Variants in ITM2B observed in about 807,000 individuals in gnomAD.
The protein encoded by ITM2B is ABri/ADan amyloid peptide.
A neutral mutation model predicts 27.8 loss-of-function variants in ITM2B; 11 were observed. The observed-to-expected ratio is 0.40, with a 90% CI of 0.25 to 0.66. The LOEUF is 0.66. Ranked by LOEUF, ITM2B falls within the 30% of genes least tolerant of loss-of-function variation. The pLI is 0.43. For synonymous variants in ITM2B, 114 were observed against 114.3 expected, an observed-to-expected ratio of 1.00 and a Z score of 0.02; for missense variants, 296 against 328.9, an observed-to-expected ratio of 0.90 and a Z score of 0.77.
chr13:48,258,243 G>A lies in ITM2B; in HGVS notation c.564+7G>A. 7.5e-7 allele frequency: 1 copy of A among 1,334,408 alleles called. No homozygotes were observed. The highest frequency in any genetic ancestry group is 1.1e-6 in the Non-Finnish European group (1 of 925,124). The allele number at this position is 1,334,408 out of a possible 1,614,324, so 82.7% of individuals were successfully genotyped here. A position where few individuals can be genotyped will look rare whatever the true frequency, so the allele number is the denominator to read the frequency against. On this transcript the variant is annotated splice_region_variant and intron_variant, in intron 4 of 5. Coordinates refer to ENST00000647800, the MANE Select transcript of ITM2B (RefSeq NM_021999.5). ...GTTACTTATTAACATCAAGGTATAA[G>A]AATGTTGACTGTTTTTGATGAATGA...
intron 1 of ITM2B, among the ~76,000 whole-genome samples, chr13:48,236,624 A>G (rs1593387220): frequency 6.6e-6 from 1 of 152,216 alleles, no homozygotes; most frequent in African/African-American, 2.4e-5. Context: ...GGTGTTTAAC[A>G]TGTTACATTC....
chr13:48,258,036 AT>A, intron 3 of ITM2B, 89 bp from the exon 4 acceptor site: 1 of 744,510 alleles, frequency 1.3e-6, no homozygotes, highest in Non-Finnish European at 2.5e-6. Flanking sequence ...AAGCCAATTC[AT>A]TTTAATGATA....
In ITM2B at chr13:48,266,082, T is replaced by TCCCAA. The variant is rs1951852157; in HGVS notation, c.*4861_*4865dup. On this transcript the variant is annotated 3_prime_UTR_variant, in exon 6 of 6. Transcript: ENST00000647800. ...TCATTTTTATTCTGGGTATTATATT[T>TCCCAA]CCCAACCAGTTGTCTGACTTTCTCC... 2 of 152,124 alleles carry TCCCAA rather than the reference T, an allele frequency of 1.3e-5. No individual in the cohort carries two copies. The highest frequency in any genetic ancestry group is 4.1e-4 in the South Asian group (2 of 4,824). 9.4% of individuals were successfully genotyped at this position (152,124 alleles called of 1,614,324 possible).
chr13:48,238,475 G>A (rs1454137624), intron 1 of ITM2B, among the ~76,000 whole-genome samples: 3 of 152,196 alleles, frequency 2.0e-5, no homozygotes, highest in Admixed American at 2.0e-4. Context: ...TAGCGATGAG[G>A]AAATTACCCT....
intron 1 of ITM2B, among the ~76,000 whole-genome samples, chr13:48,239,708 G>A (rs1951688852): frequency 6.6e-6 from 1 of 152,108 alleles, no homozygotes; most frequent in Non-Finnish European, 1.5e-5. Context: ...ATTTTCCAAG[G>A]CAAGCTAAAA....
At chr13:48,255,811 C>T (rs988294475) in intron 2 of ITM2B, among the ~76,000 whole-genome samples, 1 of 152,096 alleles carries the variant, frequency 6.6e-6, no homozygotes, top group Non-Finnish European at 1.5e-5. Context: ...TATATTCTTT[C>T]AGAAAAACTT....
At position 48,269,602 on chromosome 13, in the gene ITM2B, A is replaced by C. The variant is rs1025798288; in HGVS notation, c.*8378A>C. 3 of 152,398 alleles carry C rather than the reference A, an allele frequency of 2.0e-5. No individual in the cohort carries two copies. The highest frequency in any genetic ancestry group is 4.4e-5 in the Non-Finnish European group (3 of 68,170). 9.4% of individuals were successfully genotyped at this position (152,398 alleles called of 1,614,324 possible). ...AGCTGCCTCACTTTCCTTTGAACGT[A>C]CCAAGGGCAATCCTGCTTCAGAGCC... On this transcript the variant is annotated 3_prime_UTR_variant, in exon 6 of 6. Coordinates refer to ENST00000647800, the MANE Select transcript of ITM2B (RefSeq NM_021999.5).
At chr13:48,260,823 T>G (rs2137997499) in intron 5 of ITM2B, among the ~76,000 whole-genome samples, 1 of 152,268 alleles carries the variant, frequency 6.6e-6, no homozygotes, top group South Asian at 2.1e-4. Context: ...ACTCTGAGTT[T>G]CCACAAAGAT....
intron 1 of ITM2B, among the ~76,000 whole-genome samples, chr13:48,240,648 A>T (rs912594762): frequency 2.0e-5 from 3 of 152,228 alleles, no homozygotes; most frequent in African/African-American, 7.2e-5. Context: ...TACCGATTTC[A>T]TTTAAAAATG....
chr13:48,236,171 T>C (rs150651431), intron 1 of ITM2B, among the ~76,000 whole-genome samples: 4 of 152,222 alleles, frequency 2.6e-5, no homozygotes, highest in African/African-American at 9.7e-5. Context: ...TTAATTGTTT[T>C]CACCTTCCTC....
intron 1 of ITM2B, among the ~76,000 whole-genome samples, chr13:48,242,154 G>GT: frequency 6.6e-6 from 1 of 152,216 alleles, no homozygotes; most frequent in South Asian, 2.1e-4. Context: ...GATATTTAGT[G>GT]TTTTTTATTA....
At chr13:48,249,091 C>T (rs1951738524) in intron 1 of ITM2B, among the ~76,000 whole-genome samples, 1 of 152,128 alleles carries the variant, frequency 6.6e-6, no homozygotes, top group South Asian at 2.1e-4. Flanking sequence ...AGTCATATAT[C>T]CACCCCAACA....
intron 1 of ITM2B, among the ~76,000 whole-genome samples, chr13:48,234,287 G>C (rs1048105361): frequency 1.3e-5 from 2 of 152,000 alleles, no homozygotes; most frequent in Non-Finnish European, 2.9e-5. Flanking sequence ...AATTCATGAA[G>C]TGGGGCTGTT....
At chr13:48,243,261 T>G (rs1473090194) in intron 1 of ITM2B, among the ~76,000 whole-genome samples, 1 of 152,218 alleles carries the variant, frequency 6.6e-6, no homozygotes, top group African/African-American at 2.4e-5. Flanking sequence ...CTTAAAAAAG[T>G]TTCATTTTTG....
chr13:48,245,438 T>G (rs888834318), intron 1 of ITM2B, among the ~76,000 whole-genome samples: 2 of 146,828 alleles, frequency 1.4e-5, no homozygotes, highest in African/African-American at 5.5e-5. Flanking sequence ...TTTAAACTTA[T>G]TATTCATATA....
In ITM2B at chr13:48,258,820, C is replaced by T. The variant is rs201852577; in HGVS notation, c.588C>T (p.Ser196=). ...NIKAGTYLPQ[S]YLIHEHMVIT... is the part of the protein sequence containing the mutation. ...AGGCTGGAACCTATTTGCCTCAGTCCTATCTGATTCATGAGCACATGGTTA... is the reference window on the plus strand; with the variant it reads ...AGGCTGGAACCTATTTGCCTCAGTCTTATCTGATTCATGAGCACATGGTTA... The change falls in exon 5 of 6, where the codon TCC becomes TCT. Residue 196 remains serine (S), a synonymous_variant. Transcript: ENST00000647800. 6.8e-6 allele frequency: 11 copies of T among 1,613,766 alleles called. No homozygotes were observed. In the East Asian group the frequency reaches 1.8e-4, roughly 26 times the overall value.
intron 1 of ITM2B, among the ~76,000 whole-genome samples, chr13:48,247,702 C>T (rs749506663): frequency 4.6e-5 from 7 of 152,152 alleles, no homozygotes; most frequent in Admixed American, 1.3e-4. Context: ...ATTTGTCCTT[C>T]ATTTTGTTTA....
rs936530001 is a variant in ITM2B at position 48,266,437 on chromosome 13, A to T, written c.*5213A>T. 2.6e-5 allele frequency: 4 copies of T among 152,138 alleles called. No homozygotes were observed. Among genetic ancestry groups the T allele is most frequent in the Non-Finnish European group, 5.9e-5 (4 of 68,028 alleles). 9.4% of individuals were successfully genotyped at this position (152,138 alleles called of 1,614,324 possible). A position where few individuals can be genotyped will look rare whatever the true frequency, so the allele number is the denominator to read the frequency against. Reference sequence around the variant, plus strand: ...CTCTATTTCTCATACCTTTCATGATACTTCATCACCTGTCTTCATGAAGTC... The same window carrying T: ...CTCTATTTCTCATACCTTTCATGATTCTTCATCACCTGTCTTCATGAAGTC... On this transcript the variant is annotated 3_prime_UTR_variant, in exon 6 of 6. Coordinates refer to ENST00000647800, the MANE Select transcript of ITM2B (RefSeq NM_021999.5).
At position 48,256,028 on chromosome 13, in the gene ITM2B, A is replaced by G. The variant is rs563326404; in HGVS notation, c.247-149A>G. On this transcript the variant is annotated intron_variant, in intron 2 of 5. Coordinates refer to ENST00000647800, the MANE Select transcript of ITM2B (RefSeq NM_021999.5). ...AAACCTGATCTTAAAGAATATGTTA[A>G]CTCTGTAATTAAACTGTCTGACTTG... The G allele has an allele frequency of 6.2e-4, 418 of 670,592 alleles. 1 individual carries two copies. Among genetic ancestry groups the G allele is most frequent in the Non-Finnish European group, 9.3e-4 (347 of 374,168 alleles). The allele number at this position is 670,592 out of a possible 1,614,324, so 41.5% of individuals were successfully genotyped here.
Sources: allele counts gnomAD v4.1 joint callset (sites outside exome capture counted in the v4.1 genomes callset), GRCh38; gene constraint gnomAD v4.1.1; transcripts MANE v1.5; gene names NCBI Gene and HGNC (gene_info 2026-07-23, HGNC 2026-07-21).